Variants in F2 observed in about 807,000 individuals in gnomAD.
F2 encodes the protein coagulation factor II, thrombin.
A neutral mutation model predicts 81.9 loss-of-function variants in F2; 34 were observed. The ratio of observed to expected loss-of-function variants is 0.42; its 90% CI spans 0.32 to 0.55. The LOEUF (loss-of-function observed/expected upper bound fraction) is 0.55. Among genes scored for constraint, F2 ranks in the 20% least tolerant of loss-of-function variants. The pLI is 0.18. For synonymous variants in F2, 296 were observed against 326.4 expected (o/e 0.91, Z 1.01); for missense variants, 630 against 833.4 (o/e 0.76, Z 3.00).
In F2 at chr11:46,723,945, C is replaced by A. The variant is rs2064855856; in HGVS notation, c.559+427C>A. On this transcript the variant is annotated intron_variant, in intron 6 of 13. Transcript: ENST00000311907. This position sits in a 1 kb window ranked among gnomAD's most constrained non-coding sequence, Gnocchi z 5.6. ...CAGAGCTGGCGTCAGTCATTCAGAT[C>A]ATATCTGTGCCTATTGCTCAGTAAA... is the stretch of plus-strand genomic sequence containing the variant. 6.6e-6 allele frequency among the ~76,000 whole-genome samples: 1 copy of A among 152,122 alleles called. No homozygotes were observed. Among genetic ancestry groups the A allele is most frequent in the African/African-American group, 2.4e-5 (1 of 41,428 alleles).
At chr11:46,727,811 G>A (rs920004834) in intron 9 of F2, among the ~76,000 whole-genome samples, 185 bp from the exon 10 acceptor site, 2 of 152,086 alleles carry the variant, frequency 1.3e-5, no homozygotes, top group African/African-American at 2.4e-5. Context: ...AAAAAAGTGT[G>A]AGGCAGCCCC....
chr11:46,727,360 A>G (rs1378534354), intron 9 of F2, among the ~76,000 whole-genome samples: 2 of 152,168 alleles, frequency 1.3e-5, no homozygotes, highest in Non-Finnish European at 2.9e-5. Flanking sequence ...TAAAGCTGAG[A>G]CTGACGGAGC....
rs1042867191 is a variant in F2 at position 46,720,241 on chromosome 11, C to A, written c.241-282C>A. The A allele has an allele frequency of 1.1e-5, 6 of 563,226 alleles. No homozygotes were observed. The East Asian group carries it at 1.8e-4, about 17-fold the overall frequency. 34.9% of individuals were successfully genotyped at this position (563,226 alleles called of 1,614,324 possible). ...ACTCAGTGTTCCTGGAGCTCTGTGTCGCCTTTCCTGTCTGTAGGGCTCTGC... is the reference window on the plus strand; with the variant it reads ...ACTCAGTGTTCCTGGAGCTCTGTGTAGCCTTTCCTGTCTGTAGGGCTCTGC... On this transcript the variant is annotated intron_variant, in intron 2 of 13. Transcript: ENST00000311907.
chr11:46,727,525 C>T (rs1592413814), intron 9 of F2, among the ~76,000 whole-genome samples: 1 of 152,090 alleles, frequency 6.6e-6, no homozygotes, highest in Non-Finnish European at 1.5e-5. Context: ...CCCCTGTAAT[C>T]CCAGCACTTT....
In F2 at chr11:46,728,221, A is replaced by AT; in HGVS notation, c.1298+59dup. 2 of 1,555,334 alleles carry AT rather than the reference A, an allele frequency of 1.3e-6. No homozygotes were observed. Among genetic ancestry groups the AT allele is most frequent in the African/African-American group, 2.7e-5 (2 of 73,960 alleles). On this transcript the variant is annotated intron_variant, in intron 10 of 13. Transcript: ENST00000311907. The surrounding 1 kb of genome is among the most constrained non-coding windows in gnomAD (Gnocchi z 5.1). ...GGGGTCTGAGTCCTCCAAAGCGATC[A>AT]TGAGGGGCCCTGGTGGCTCCGGGAC...
At chr11:46,721,841 ATTTTT>A (rs1195063307) in intron 4 of F2, among the ~76,000 whole-genome samples, 1 of 130,006 alleles carries the variant, frequency 7.7e-6, no homozygotes, top group African/African-American at 2.9e-5. Context: ...CCATACTTTC[ATTTTT>A]TTTTTTTTTT....
At chr11:46,737,441 CTT>C (rs71042617) in intron 12 of F2, among the ~76,000 whole-genome samples, 58 of 94,202 alleles carry the variant, frequency 6.2e-4, no homozygotes, top group East Asian at 7.9e-4. Context: ...CGTGCCTGGC[CTT>C]TTTTTTTTTT....
At chr11:46,732,676 G>A (rs2064920714) in intron 12 of F2, among the ~76,000 whole-genome samples, 1 of 152,190 alleles carries the variant, frequency 6.6e-6, no homozygotes, top group Admixed American at 6.5e-5. Flanking sequence ...TGGGATTATA[G>A]GCGTGAGCTC....
At chr11:46,727,446 G>A (rs1468497975) in intron 9 of F2, among the ~76,000 whole-genome samples, 1 of 152,162 alleles carries the variant, frequency 6.6e-6, no homozygotes, top group Admixed American at 6.6e-5. Flanking sequence ...TACGCTATGT[G>A]AACTCTGGAC....
rs375002682 is a variant in F2, at chr11:46,723,562, G to C, written c.559+44G>C. The stretch of plus-strand genomic sequence containing the variant: ...GGCGGCCCATGGCCAAGGCCCGGGG[G>C]CTTCATGGGGCCTGGCAGCCTGGGA... On this transcript the variant is annotated intron_variant, in intron 6 of 13. Coordinates refer to ENST00000311907, the MANE Select transcript of F2 (RefSeq NM_000506.5). This position sits in a 1 kb window ranked among gnomAD's most constrained non-coding sequence, Gnocchi z 5.6. The C allele has an allele frequency of 2.5e-6, 4 of 1,573,184 alleles. No individual in the cohort carries two copies. Among genetic ancestry groups the C allele is most frequent in the Non-Finnish European group, 2.6e-6 (3 of 1,157,662 alleles).
chr11:46,724,767 C>CTTT (rs11438724), intron 6 of F2, among the ~76,000 whole-genome samples: 2 of 147,412 alleles, frequency 1.4e-5, no homozygotes, highest in Non-Finnish European at 3.0e-5. Flanking sequence ...TGGGGTTGGT[C>CTTT]TTTTTTTTTT....
At chr11:46,738,426 C>A (rs1047233719) in intron 12 of F2, among the ~76,000 whole-genome samples, 1 of 151,986 alleles carries the variant, frequency 6.6e-6, no homozygotes, top group African/African-American at 2.4e-5. Context: ...GTAGGTCTAA[C>A]TTTTTAATTT....
intron 12 of F2, among the ~76,000 whole-genome samples, chr11:46,731,770 C>A (rs928902366): frequency 6.6e-6 from 1 of 152,102 alleles, no homozygotes; most frequent in Non-Finnish European, 1.5e-5. Context: ...ATCCTGTTAA[C>A]TGGCACATGA....
chr11:46,723,161 C>T lies in F2; in HGVS notation c.317-19C>T, dbSNP rs900917072. 8.7e-6 allele frequency: 14 copies of T among 1,609,284 alleles called. No homozygotes were observed. Among genetic ancestry groups the T allele is most frequent in the East Asian group, 6.7e-5 (3 of 44,850 alleles). ...TAAGTCCCCAGGCTCCAAGGCTGAC[C>T]GGGGTGGGGTCTCCGCAGGTAACTG... On this transcript the variant is annotated intron_variant, in intron 4 of 13. Transcript: ENST00000311907. This position sits in a 1 kb window ranked among gnomAD's most constrained non-coding sequence, Gnocchi z 5.6.
rs762607581 is a variant in F2, at chr11:46,739,317, G to A, written c.1778G>A (p.Gly593Asp). ...YQMGIVSWGE[G>D]CDRDGKYGFY... ...ATGGGCATCGTCTCATGGGGTGAAG[G>A]CTGTGACCGGGATGGGAAATATGGC... Residue 593 changes from glycine (G) to aspartate (D), a missense_variant, in exon 14 of 14, where the codon GGC (glycine) becomes GAC (aspartate). By Grantham distance (94) the Gly-to-Asp change is moderately conservative. Coordinates refer to ENST00000311907, the MANE Select transcript of F2 (RefSeq NM_000506.5). The A allele has an allele frequency of 6.2e-7, 1 of 1,614,144 alleles. No homozygotes were observed. Among genetic ancestry groups the A allele is most frequent in the Non-Finnish European group, 8.5e-7 (1 of 1,180,038 alleles).
In F2 at chr11:46,723,654, G is replaced by A. The variant is rs1287117554; in HGVS notation, c.559+136G>A. Reference sequence around the variant, plus strand: ...GCCCGTAATCCCAGCACTTTGGGAGGCTGAGGCAGGCAGATCACCTGAGGT... The same window carrying A: ...GCCCGTAATCCCAGCACTTTGGGAGACTGAGGCAGGCAGATCACCTGAGGT... On this transcript the variant is annotated intron_variant, in intron 6 of 13. Transcript: ENST00000311907. The surrounding 1 kb of genome is among the most constrained non-coding windows in gnomAD (Gnocchi z 5.6). The A allele has an allele frequency of 8.7e-7, 1 of 1,145,008 alleles. No homozygotes were observed. Among genetic ancestry groups the A allele is most frequent in the African/African-American group, 1.5e-5 (1 of 64,908 alleles). The allele number at this position is 1,145,008 out of a possible 1,614,324, so 70.9% of individuals were successfully genotyped here.
At position 46,723,351 on chromosome 11, in the gene F2, C is replaced by T; in HGVS notation, c.423-31C>T. 2 of 1,613,588 alleles carry T rather than the reference C, an allele frequency of 1.2e-6. No individual in the cohort carries two copies. The highest frequency in any genetic ancestry group is 2.2e-5 in the East Asian group (1 of 44,866). On this transcript the variant is annotated intron_variant, in intron 5 of 13. Transcript: ENST00000311907. The surrounding 1 kb of genome is among the most constrained non-coding windows in gnomAD (Gnocchi z 5.6). ...GGGAGCAAGCGTACCTCAAGCCCAA[C>T]AGCCTCCTGTTGGGCAATTTCCTGT...
Position 46,723,451 on chromosome 11 carries a change from C to T in F2, c.492C>T (p.Thr164=). The change falls in exon 6 of 14, where the codon ACC becomes ACT. Residue 164 remains threonine, a synonymous_variant. Transcript: ENST00000311907. The surrounding 1 kb of genome is among the most constrained non-coding windows in gnomAD (Gnocchi z 5.6). ...ENFCRNPDSS[T]TGPWCYTTDP... is the part of the protein sequence containing the mutation. Reference sequence around the variant, plus strand: ...TCTGCCGCAACCCCGACAGCAGCACCACGGGACCCTGGTGCTACACTACAG... The same window carrying T: ...TCTGCCGCAACCCCGACAGCAGCACTACGGGACCCTGGTGCTACACTACAG... 1 of 1,614,098 alleles carries T rather than the reference C, an allele frequency of 6.2e-7. No homozygotes were observed. The highest frequency in any genetic ancestry group is 8.5e-7 in the Non-Finnish European group (1 of 1,179,992).
intron 2 of F2, 185 bp from the exon 3 acceptor site, chr11:46,720,338 C>G: frequency 1.5e-6 from 1 of 676,922 alleles, no homozygotes; most frequent in Non-Finnish European, 2.6e-6. Flanking sequence ...GTTGGAGGAA[C>G]TCCCCTATCC....
Sources: allele counts gnomAD v4.1 joint callset (sites outside exome capture counted in the v4.1 genomes callset), GRCh38; gene constraint gnomAD v4.1.1; non-coding constraint Gnocchi (gnomAD v3.1); transcripts MANE v1.5; gene names NCBI Gene and HGNC (gene_info 2026-07-23, HGNC 2026-07-21).